CAST: variants seen among roughly 807,000 people sequenced by gnomAD.
The protein encoded by CAST is calpastatin.
In CAST, 76 loss-of-function variants were observed where a neutral mutation model predicts 119.6. The ratio of observed to expected loss-of-function variants is 0.64; its 90% confidence interval spans 0.53 to 0.77. The LOEUF is 0.77. Among genes scored for constraint, CAST ranks in the 30% least tolerant of loss-of-function variants. The pLI, the probability that CAST is intolerant of heterozygous loss-of-function variation, is 0.00. For synonymous variants in CAST, 319 were observed against 331.6 expected (o/e 0.96, Z 0.41); for missense variants, 953 against 946.5 (o/e 1.01, Z -0.09).
At chr5:96,718,464 A>C (rs1757576106) in intron 3 of CAST, among the ~76,000 whole-genome samples, 1 of 152,120 alleles carries the variant, frequency 6.6e-6, no homozygotes. Flanking sequence ...CTGGGCGATG[A>C]AATAATCTGT....
chr5:96,741,694 A>G (rs1581217968), intron 15 of CAST, 114 bp downstream of exon 15: 1 of 694,100 alleles, frequency 1.4e-6, no homozygotes, highest in Non-Finnish European at 2.5e-6. Flanking sequence ...TTTCCCTCTC[A>G]GGTCTATGTG....
the CAST span, among the ~76,000 whole-genome samples, chr5:96,181,352 T>A: frequency 6.6e-6 from 1 of 152,232 alleles, no homozygotes; most frequent in African/African-American, 2.4e-5. Context: ...TTCCAGATTC[T>A]GTGCATCAAA....
chr5:96,603,804 G>T (rs532097914), intron 1 of CAST, among the ~76,000 whole-genome samples: 9 of 115,970 alleles, frequency 7.8e-5, no homozygotes, highest in African/African-American at 1.0e-4. Flanking sequence ...TTGCTCTGTC[G>T]CCCAGACTGG....
At chr5:96,189,420 GC>G in the CAST span, among the ~76,000 whole-genome samples, 16 of 152,120 alleles carry the variant, frequency 1.1e-4, no homozygotes, top group Non-Finnish European at 2.1e-4. Flanking sequence ...TTGCTCCAGT[GC>G]CCTCTTGTCT....
Position 96,678,597 on chromosome 5 carries a change from C to A in CAST, c.138+2996C>A, listed in dbSNP as rs191449567. ...CGGTGGCTCATGCCTGTAATCCCAG[C>A]ACTTTGGGATGCTGAGGCGGGCAGA... is the stretch of plus-strand genomic sequence containing the variant. On this transcript the variant is annotated intron_variant, in intron 2 of 31. Transcript: ENST00000675179. Among the ~76,000 whole-genome samples the A allele has an allele frequency of 3.8e-3, 586 of 152,236 alleles. 11 individuals carry two copies. Among genetic ancestry groups the A allele is most frequent in the South Asian group, 0.033 (160 of 4,824 alleles).
chr5:96,098,405 T>C, the CAST span, among the ~76,000 whole-genome samples: 1 of 152,182 alleles, frequency 6.6e-6, no homozygotes, highest in Non-Finnish European at 1.5e-5. Flanking sequence ...CCCGTGCCTA[T>C]GTCCTGAATG....
chr5:96,459,090 A>G, the CAST span, among the ~76,000 whole-genome samples: 1 of 152,176 alleles, frequency 6.6e-6, no homozygotes, highest in Non-Finnish European at 1.5e-5. Context: ...TACTGTATAC[A>G]GTTTGTCCCC....
chr5:96,536,031 GTTTTTTT>G (rs533558053), intron 1 of CAST, among the ~76,000 whole-genome samples: 83 of 103,864 alleles, frequency 8.0e-4, no homozygotes, highest in African/African-American at 2.7e-3. Context: ...AATATTTAAG[GTTTTTTT>G]TTTTTTTTTT....
At chr5:96,460,431 G>A in the CAST span, among the ~76,000 whole-genome samples, 15 of 152,130 alleles carry the variant, frequency 9.9e-5, no homozygotes, top group African/African-American at 2.9e-4. Context: ...TAATGCATGC[G>A]GGGCTTAAAA....
the CAST span, among the ~76,000 whole-genome samples, chr5:96,292,831 A>C: frequency 6.6e-6 from 1 of 152,234 alleles, no homozygotes; most frequent in East Asian, 1.9e-4. Flanking sequence ...AGGGAGCGAC[A>C]CTTAATTCTG....
At chr5:96,258,535 C>T in the CAST span, among the ~76,000 whole-genome samples, 1 of 152,086 alleles carries the variant, frequency 6.6e-6, no homozygotes, top group East Asian at 1.9e-4. Flanking sequence ...TCCTCCTCAC[C>T]CTTTCAAAAT....
At chr5:96,435,519 G>A in the CAST span, among the ~76,000 whole-genome samples, 2 of 152,120 alleles carry the variant, frequency 1.3e-5, no homozygotes, top group Non-Finnish European at 2.9e-5. Flanking sequence ...TTAACTTTTT[G>A]TTTCAAGGGC....
chr5:95,961,543 T>C, the CAST span: 1 of 1,543,588 alleles, frequency 6.5e-7, no homozygotes, highest in East Asian at 2.6e-5. Context: ...GCTCTGCCTC[T>C]CTGAGCCCAG....
rs145080624 is a variant in CAST at position 96,577,429 on chromosome 5, C to T, written c.60+47549C>T. Among the ~76,000 whole-genome samples, 279 of 151,498 alleles carry T rather than the reference C, an allele frequency of 1.8e-3. 10 individuals carry two copies. The East Asian group carries it at 0.044, about 24-fold the overall frequency. ...TTTTCTTCTTTCTGCTTGTCTGGGG[C>T]TTATTTTTCTCTTACTTTTCTAGTT... is the stretch of plus-strand genomic sequence containing the variant. On this transcript the variant is annotated intron_variant, in intron 1 of 11. Transcript: ENST00000505143.
At chr5:96,478,162 A>C in the CAST span, among the ~76,000 whole-genome samples, 1 of 152,240 alleles carries the variant, frequency 6.6e-6, no homozygotes. Context: ...TGTCAAAATC[A>C]AGCGTTAGTC....
In CAST at chr5:96,635,078, A is replaced by G. The variant is rs78675174; in HGVS notation, c.61-40461A>G. 8.3e-3 allele frequency among the ~76,000 whole-genome samples: 1,270 copies of G among 152,334 alleles called. 21 individuals are homozygous for G. Among genetic ancestry groups the G allele is most frequent in the African/African-American group, 0.029 (1,214 of 41,568 alleles). ...GAGTGAGACCTTGAACACTGGGTAGAACATGACACAGTAGGTGGGTGGATT... is the reference window on the plus strand; with the variant it reads ...GAGTGAGACCTTGAACACTGGGTAGGACATGACACAGTAGGTGGGTGGATT... On this transcript the variant is annotated intron_variant, in intron 1 of 11. Transcript: ENST00000505143.
the CAST span, chr5:96,278,692 G>C: frequency 2.0e-5 from 3 of 152,102 alleles, no homozygotes; most frequent in Admixed American, 6.5e-5. Context: ...AAGCAAAATG[G>C]CTTTTTGTGA....
the CAST span, among the ~76,000 whole-genome samples, chr5:96,243,666 T>G: frequency 6.6e-6 from 1 of 152,206 alleles, no homozygotes; most frequent in South Asian, 2.1e-4. Flanking sequence ...AATATTTTGC[T>G]CGCCAGAAAT....
Position 96,541,474 on chromosome 5 carries a change from T to C in CAST, c.60+11594T>C, listed in dbSNP as rs535854193. Among the ~76,000 whole-genome samples the C allele has an allele frequency of 2.6e-4, 39 of 152,308 alleles. No homozygotes were observed. The South Asian group carries it at 8.1e-3, about 32-fold the overall frequency. On this transcript the variant is annotated intron_variant, in intron 1 of 11. Transcript: ENST00000505143. ...CTCAATCCCCTGACCTCCTAAATGA[T>C]GTTTTTAATTTGCATACATGAAGGT...
Sources: gnomAD v4.1 joint callset for allele counts (sites outside exome capture counted in the v4.1 genomes callset) on GRCh38, gnomAD v4.1.1 for gene constraint, MANE v1.5 for transcripts, NCBI Gene and HGNC (gene_info 2026-07-23, HGNC 2026-07-21) for gene names.